The following FBXO7 variants were observed in gnomAD, a reference collection of about 807,000 sequenced individuals.
FBXO7 encodes F-box protein 7.
A neutral mutation model predicts 50.2 loss-of-function variants in FBXO7; 31 were observed. That is an observed-to-expected ratio of 0.62 (90% confidence interval 0.46 to 0.83). The LOEUF (loss-of-function observed/expected upper bound fraction) is 0.83. FBXO7 is among the 40% of genes least tolerant of loss of function. The pLI is 0.00. For missense variants in FBXO7, 667 were observed against 646.6 expected (o/e 1.03, Z -0.34); for synonymous variants, 256 against 253.1 (o/e 1.01, Z -0.11).
chr22:32,483,385 T>C (rs2057477352), intron 2 of FBXO7, among the ~76,000 whole-genome samples: 1 of 151,890 alleles, frequency 6.6e-6, no homozygotes, highest in African/African-American at 2.4e-5. Flanking sequence ...GTTGGGGAGG[T>C]ACTGGTGAAT....
At position 32,487,675 on chromosome 22, in the gene FBXO7, C is replaced by G. The variant is rs1481036194; in HGVS notation, c.788-70C>G. ...TATTAGGAGCTAGGAAATGCAAGCC[C>G]ATACTAAAAAAGAAAGGCAGTTGAT... is the stretch of plus-strand genomic sequence containing the variant. On this transcript the variant is annotated intron_variant, in intron 4 of 8. Transcript: ENST00000266087. 3.3e-5 allele frequency: 31 copies of G among 939,378 alleles called. No homozygotes were observed. In the East Asian group the frequency reaches 4.1e-4, roughly 12 times the overall value. The allele number at this position is 939,378 out of a possible 1,614,324, so 58.2% of individuals were successfully genotyped here.
chr22:32,486,030 T>C (rs2145995088), intron 4 of FBXO7, among the ~76,000 whole-genome samples: 1 of 152,310 alleles, frequency 6.6e-6, no homozygotes, highest in Non-Finnish European at 1.5e-5. Flanking sequence ...ATAGCTCATC[T>C]TTTTCGTTTA....
At chr22:32,478,830 T>C in intron 1 of FBXO7, 151 bp from the exon 2 acceptor site, 2 of 790,798 alleles carry the variant, frequency 2.5e-6, no homozygotes, top group Non-Finnish European at 4.2e-6. Flanking sequence ...GCCAGGAGCT[T>C]GAGACCAGCC....
chr22:32,495,974 T>C (rs374156158), intron 8 of FBXO7, among the ~76,000 whole-genome samples: 1 of 152,362 alleles, frequency 6.6e-6, no homozygotes, highest in East Asian at 1.9e-4. Flanking sequence ...CTAAAATCAC[T>C]GATGAAGGTG....
intron 2 of FBXO7, among the ~76,000 whole-genome samples, chr22:32,483,503 C>T (rs765254225): frequency 1.3e-5 from 2 of 152,176 alleles, no homozygotes; most frequent in African/African-American, 4.8e-5. Flanking sequence ...GGGATACTTG[C>T]AACGGAAGCT....
At chr22:32,481,542 G>A (rs1193878818) in intron 2 of FBXO7, among the ~76,000 whole-genome samples, 2 of 152,152 alleles carry the variant, frequency 1.3e-5, no homozygotes. Context: ...CTTGTAAAGG[G>A]TGACAGGAAA....
Position 32,475,000 on chromosome 22 carries a change from G to T in FBXO7, c.-3G>T. The T allele has an allele frequency of 6.5e-7, 1 of 1,535,300 alleles. No individual in the cohort carries two copies. ...CAGGCCCCTCGGGCCGCCTGCCGCC[G>T]TCATGAGGCTGCGGGTGCGGCTTCT... On this transcript the variant is annotated 5_prime_UTR_variant, in exon 1 of 9. Coordinates refer to ENST00000266087, the MANE Select transcript of FBXO7 (RefSeq NM_012179.4).
intron 5 of FBXO7, 107 bp from the exon 6 acceptor site, chr22:32,490,979 A>T: frequency 1.3e-6 from 1 of 794,904 alleles, no homozygotes; most frequent in East Asian, 2.5e-5. Flanking sequence ...TATCTTTGTG[A>T]ATTATTTGTG....
Position 32,484,001 on chromosome 22 carries a change from G to A in FBXO7, c.522G>A (p.Ser174=), listed in dbSNP as rs772581980. 5 of 1,614,124 alleles carry A rather than the reference G, an allele frequency of 3.1e-6. No individual in the cohort carries two copies. In the East Asian group the frequency reaches 6.7e-5, roughly 22 times the overall value. The change falls in exon 3 of 9, where the codon TCG becomes TCA. Residue 174 remains serine, a synonymous_variant. Coordinates refer to ENST00000266087, the MANE Select transcript of FBXO7 (RefSeq NM_012179.4). The part of the protein sequence containing the change: ...YPSEPMLCSE[S]VEGQVPHSLE... Reference sequence around the variant, plus strand: ...CAGAACCCATGCTCTGTAGTGAATCGGTGGAAGGGCAAGTGCCACATTCAT... The same window carrying A: ...CAGAACCCATGCTCTGTAGTGAATCAGTGGAAGGGCAAGTGCCACATTCAT...
In FBXO7 at chr22:32,487,760, A is replaced by G. The variant is rs188111542; in HGVS notation, c.803A>G (p.Asn268Ser). 96 of 1,607,484 alleles carry G rather than the reference A, an allele frequency of 6.0e-5. 1 individual carries two copies. The Middle Eastern group carries it at 9.9e-4, about 17-fold the overall frequency. The change falls in exon 5 of 9, where the codon AAC (asparagine) becomes AGC (serine). Residue 268 changes from asparagine to serine, a missense_variant. Asn to Ser is a conservative substitution (Grantham distance 46). Coordinates refer to ENST00000266087, the MANE Select transcript of FBXO7 (RefSeq NM_012179.4). ...LIVVNATLKI[N>S]NEIRSVKRLQ... ...TTATTTACAGCTACACTAAAAATCA[A>G]CAATGAGATTAGAAGTGTGAAAAGA...
chr22:32,475,320 G>A, intron 1 of FBXO7, 196 bp downstream of exon 1: 1 of 1,607,608 alleles, frequency 6.2e-7, no homozygotes, highest in Non-Finnish European at 8.5e-7. Context: ...TGCAGGCGAC[G>A]GGAAGCGCGG....
chr22:32,489,605 C>T (rs1049590356), intron 5 of FBXO7: 11 of 152,162 alleles, frequency 7.2e-5, no homozygotes, highest in Non-Finnish European at 1.0e-4. Flanking sequence ...TTGGCTGACT[C>T]CCAGCCTTTT....
intron 7 of FBXO7, 21 bp from the exon 8 acceptor site, chr22:32,495,471 AT>A (rs1158885056): frequency 1.3e-6 from 2 of 1,547,214 alleles, no homozygotes; most frequent in South Asian, 2.3e-5. Flanking sequence ...TTAAATCCTT[AT>A]TTTTCCCTTT....
In FBXO7 at chr22:32,475,384, C is replaced by T. The variant is rs755579825; in HGVS notation, c.122+260C>T. The stretch of plus-strand genomic sequence containing the variant: ...AACATGGCCCGGCCTCCCGGGGGCT[C>T]TGGTCCCCTCCTCGGTGAGTCATGG... On this transcript the variant is annotated intron_variant, in intron 1 of 8. Transcript: ENST00000266087. The T allele has an allele frequency of 2.1e-5, 34 of 1,611,428 alleles. No homozygotes were observed. In the Admixed American group the frequency reaches 4.8e-4, roughly 23 times the overall value.
intron 8 of FBXO7, among the ~76,000 whole-genome samples, chr22:32,497,149 GTTTC>G (rs1471311013): frequency 6.6e-6 from 1 of 152,190 alleles, no homozygotes; most frequent in Non-Finnish European, 1.5e-5. Context: ...AGAGAAAGTG[GTTTC>G]TTTTTTTAAA....
intron 8 of FBXO7, 70 bp downstream of exon 8, chr22:32,495,600 G>T: frequency 3.8e-6 from 3 of 793,108 alleles, no homozygotes; most frequent in East Asian, 2.6e-5. Context: ...TATATTAAGG[G>T]TATATTTTCA....
intron 1 of FBXO7, among the ~76,000 whole-genome samples, chr22:32,477,510 G>A (rs568071677): frequency 3.3e-4 from 50 of 152,262 alleles, no homozygotes; most frequent in African/African-American, 1.1e-3. Flanking sequence ...TGTTGCTTCC[G>A]GGCTTATTTG....
chr22:32,485,322 C>A, intron 4 of FBXO7, 113 bp downstream of exon 4: 1 of 1,316,718 alleles, frequency 7.6e-7, no homozygotes, highest in Non-Finnish European at 1.1e-6. Context: ...GTGAGTCCTT[C>A]TCAACTGTAT....
chr22:32,475,610 C>T (rs749506857), intron 1 of FBXO7: 6 of 585,672 alleles, frequency 1.0e-5, no homozygotes, highest in African/African-American at 2.0e-5. Context: ...AATCTGCCCT[C>T]AATCCGAGGC....
Sources: allele counts gnomAD v4.1 joint callset (sites outside exome capture counted in the v4.1 genomes callset), GRCh38; gene constraint gnomAD v4.1.1; transcripts MANE v1.5; gene names NCBI Gene and HGNC (gene_info 2026-07-23, HGNC 2026-07-21).